ENOX2: variants seen among roughly 807,000 people sequenced by gnomAD.
ENOX2 encodes ecto-NOX disulfide-thiol exchanger 2, also known as APK1 antigen.
In ENOX2, 36 loss-of-function variants were observed where a neutral mutation model predicts 45.0. That is an observed-to-expected ratio of 0.80 (90% CI 0.61 to 1.06). The LOEUF (loss-of-function observed/expected upper bound fraction) is 1.06, where lower values mean the gene tolerates loss of function less well. Ranked by LOEUF, ENOX2 falls within the 50% of genes least tolerant of loss-of-function variation. The pLI is 0.00. For synonymous variants in ENOX2, 174 were observed against 152.3 expected, an observed-to-expected ratio of 1.14 and a Z score of -1.05; for missense variants, 423 against 462.5, an observed-to-expected ratio of 0.91 and a Z score of 0.78.
intron 2 of ENOX2, among the ~76,000 whole-genome samples, chrX:130,823,705 C>A (rs2077662306): frequency 9.0e-6 from 1 of 111,553 alleles, no homozygotes; most frequent in African/African-American, 3.3e-5. Context: ...AGCTTCCTCT[C>A]CAAATATACT....
At chrX:130,818,443 C>T (rs2077529476) in intron 2 of ENOX2, among the ~76,000 whole-genome samples, 1 of 111,743 alleles carries the variant, frequency 8.9e-6, no homozygotes, top group South Asian at 3.7e-4. Context: ...ATAGCCAAGA[C>T]AATCCTAAGC....
At chrX:130,666,302 C>G (rs938507009) in intron 8 of ENOX2, among the ~76,000 whole-genome samples, 1 of 111,915 alleles carries the variant, frequency 8.9e-6, no homozygotes, top group Non-Finnish European at 1.9e-5. Flanking sequence ...TTAAGTCTAC[C>G]AAGATAGACT....
rs151152218 is a variant in ENOX2, at chrX:130,867,562, C to T, written c.-183+34122G>A. On this transcript the variant is annotated intron_variant, in intron 2 of 14. Coordinates refer to ENST00000394363, the MANE Select transcript of ENOX2 (RefSeq NM_006375.4). ...GTTATGCAAATCTTCCAATGTTACA[C>T]ATTTCATTACACAATATTCTCAAAT... 9.3e-3 allele frequency among the ~76,000 whole-genome samples: 1,042 copies of T among 111,867 alleles called. 17 individuals carry two copies. Among genetic ancestry groups the T allele is most frequent in the African/African-American group, 0.032 (983 of 30,897 alleles).
chrX:130,742,756 A>C (rs2039015217), intron 3 of ENOX2, among the ~76,000 whole-genome samples: 2 of 112,163 alleles, frequency 1.8e-5, no homozygotes, highest in Non-Finnish European at 3.8e-5. Flanking sequence ...TAGCATTGCC[A>C]GGACTTAAAC....
rs750428700 is a variant in ENOX2 at position 130,647,434 on chromosome X, T to G, written c.1129+9147A>C. Among the ~76,000 whole-genome samples the G allele has an allele frequency of 4.4e-4, 50 of 112,426 alleles. 1 individual carries two copies. The highest frequency in any genetic ancestry group is 3.8e-3 in the Admixed American group (41 of 10,687). On this transcript the variant is annotated intron_variant, in intron 10 of 14. Transcript: ENST00000394363. ...CAAGAGAAGAGTCTTACTCCTACCCTGAGTGGGAGATGAGAATGGTCATTA... is the reference window on the plus strand; with the variant it reads ...CAAGAGAAGAGTCTTACTCCTACCCGGAGTGGGAGATGAGAATGGTCATTA...
intron 2 of ENOX2, among the ~76,000 whole-genome samples, chrX:130,802,122 T>C (rs1205838372): frequency 8.9e-6 from 1 of 112,237 alleles, no homozygotes; most frequent in Non-Finnish European, 1.9e-5. Context: ...TAGCAGAGTC[T>C]GCTTATCAAG....
intron 4 of ENOX2, among the ~76,000 whole-genome samples, chrX:130,693,617 G>A (rs10482409): frequency 1.9e-3 from 218 of 112,125 alleles, no homozygotes; most frequent in African/African-American, 6.8e-3. Context: ...AAGCAAATAT[G>A]TTGGAAAAAA....
chrX:130,661,841 A>G (rs971205467), intron 9 of ENOX2, among the ~76,000 whole-genome samples: 6 of 112,280 alleles, frequency 5.3e-5, no homozygotes, highest in African/African-American at 1.9e-4. Context: ...TAATTCTATA[A>G]AGAAAGTTAT....
intron 3 of ENOX2, among the ~76,000 whole-genome samples, chrX:130,765,825 A>G (rs1198123486): frequency 2.7e-5 from 3 of 111,705 alleles, no homozygotes; most frequent in Non-Finnish European, 5.7e-5. Flanking sequence ...ATTTGTATAT[A>G]TTCCTACAAA....
intron 3 of ENOX2, among the ~76,000 whole-genome samples, chrX:130,756,169 G>A (rs1446833950): frequency 8.9e-6 from 1 of 112,005 alleles, no homozygotes; most frequent in Non-Finnish European, 1.9e-5. Flanking sequence ...ATTCAGGAAT[G>A]ACATCCATTC....
chrX:130,724,801 G>A, intron 3 of ENOX2, among the ~76,000 whole-genome samples: 1 of 112,105 alleles, frequency 8.9e-6, no homozygotes, highest in South Asian at 3.8e-4. Context: ...CTATTACACT[G>A]TGGGGAAGTC....
At chrX:130,885,311 T>C (rs1003613712) in intron 2 of ENOX2, among the ~76,000 whole-genome samples, 1 of 111,348 alleles carries the variant, frequency 9.0e-6, no homozygotes, top group Admixed American at 9.6e-5. Flanking sequence ...TCAGATAATG[T>C]AACCTGTAAG....
intron 6 of ENOX2, among the ~76,000 whole-genome samples, chrX:130,678,498 C>T (rs1412217930): frequency 9.2e-6 from 1 of 109,134 alleles, no homozygotes; most frequent in African/African-American, 3.3e-5. Flanking sequence ...TACTAACTTT[C>T]TATCCTCTGC....
rs775413776 is a variant in ENOX2, at chrX:130,625,696, C to T, written c.1615-251G>A. 1.9e-4 allele frequency among the ~76,000 whole-genome samples: 21 copies of T among 111,238 alleles called. No homozygotes were observed. In the East Asian group the frequency reaches 5.4e-3, roughly 29 times the overall value. ...AGAGCTGGGGTCAGTCATGTGGAAA[C>T]GCCTGGGTTTGTAAGAAGCTGAATG... On this transcript the variant is annotated intron_variant, in intron 14 of 14. Coordinates refer to ENST00000394363, the MANE Select transcript of ENOX2 (RefSeq NM_006375.4).
At chrX:130,887,309 A>T (rs758767373) in intron 2 of ENOX2, among the ~76,000 whole-genome samples, 8 of 111,022 alleles carry the variant, frequency 7.2e-5, no homozygotes, top group Non-Finnish European at 1.3e-4. Context: ...TCTTCTCTCC[A>T]CAAGAAGAAA....
chrX:130,887,570 G>A (rs1181577782), intron 2 of ENOX2, among the ~76,000 whole-genome samples: 1 of 111,241 alleles, frequency 9.0e-6, no homozygotes, highest in African/African-American at 3.3e-5. Context: ...GCTGGAACTG[G>A]CTTTTATGAA....
rs967607824 is a variant in ENOX2 at position 130,836,375 on chromosome X, G to A, written c.-182-52685C>T. Among the ~76,000 whole-genome samples, 13 of 110,570 alleles carry A rather than the reference G, an allele frequency of 1.2e-4. No homozygotes were observed. In the Admixed American group the frequency reaches 1.3e-3, roughly 11 times the overall value. On this transcript the variant is annotated intron_variant, in intron 2 of 14. Coordinates refer to ENST00000394363, the MANE Select transcript of ENOX2 (RefSeq NM_006375.4). Reference sequence around the variant, plus strand: ...GAAAAATGTCACGTAACCTTAGCAAGACACATGGAATCACAATCAATGTAG... The same window carrying A: ...GAAAAATGTCACGTAACCTTAGCAAAACACATGGAATCACAATCAATGTAG...
intron 2 of ENOX2, among the ~76,000 whole-genome samples, chrX:130,811,647 T>C (rs760902487): frequency 8.9e-6 from 1 of 112,302 alleles, no homozygotes; most frequent in Non-Finnish European, 1.9e-5. Flanking sequence ...AATCCAAAAA[T>C]ATCAATAATG....
chrX:130,813,979 G>C (rs752650556), intron 2 of ENOX2, among the ~76,000 whole-genome samples: 2 of 112,448 alleles, frequency 1.8e-5, no homozygotes, highest in East Asian at 5.6e-4. Context: ...ATGGAGCCAA[G>C]CTAAGATCCA....
Sources: gnomAD v4.1 joint callset for allele counts (sites outside exome capture counted in the v4.1 genomes callset) on GRCh38, gnomAD v4.1.1 for gene constraint, MANE v1.5 for transcripts, NCBI Gene and HGNC (gene_info 2026-07-23, HGNC 2026-07-21) for gene names.